The following CDHR2 variants were observed in gnomAD, a reference collection of about 807,000 sequenced individuals.
CDHR2 encodes cadherin related family member 2, also known as cadherin-related family member 2.
CDHR2 carries 104 observed loss-of-function variants against 138.6 expected under a neutral mutation model. The observed-to-expected ratio is 0.75, with a 90% CI of 0.64 to 0.88. The LOEUF is 0.88. CDHR2 is among the 40% of genes least tolerant of loss of function. CDHR2 has a pLI of 0.00. For synonymous variants in CDHR2, 755 were observed against 742.8 expected, an observed-to-expected ratio of 1.02 and a Z score of -0.27; for missense variants, 1,624 against 1,727.6, an observed-to-expected ratio of 0.94 and a Z score of 1.06.
In CDHR2 at chr5:176,574,266, A is replaced by G. The variant is rs1005507899; in HGVS notation, c.495+94A>G. 1.3e-5 allele frequency: 12 copies of G among 944,580 alleles called. No homozygotes were observed. The Admixed American group carries it at 2.4e-4, about 19-fold the overall frequency. 58.5% of individuals were successfully genotyped at this position (944,580 alleles called of 1,614,324 possible). On this transcript the variant is annotated intron_variant, in intron 7 of 31. Transcript: ENST00000261944. ...AGGGCCTGAACGTTGGGGTGGGGACATTGGTCCTGCCTTGGCCCAGCCCTG... is the reference window on the plus strand; with the variant it reads ...AGGGCCTGAACGTTGGGGTGGGGACGTTGGTCCTGCCTTGGCCCAGCCCTG...
Position 176,577,390 on chromosome 5 carries a change from C to T in CDHR2, c.1195-9C>T. On this transcript the variant is annotated splice_polypyrimidine_tract_variant and intron_variant, in intron 12 of 31. Transcript: ENST00000261944. ...GGACAGGTCCCTGCTAGACAGCCCA[C>T]CTTTACAGGGCAGCAATGGCACCTT... 6.2e-7 allele frequency: 1 copy of T among 1,603,828 alleles called. No individual in the cohort carries two copies. The highest frequency in any genetic ancestry group is 8.5e-7 in the Non-Finnish European group (1 of 1,176,286).
chr5:176,588,557 G>C (rs1687104044), intron 21 of CDHR2, among the ~76,000 whole-genome samples: 1 of 150,572 alleles, frequency 6.6e-6, no homozygotes, highest in Admixed American at 6.6e-5. Flanking sequence ...GTATGTGTGA[G>C]TGGGACAGTG....
At chr5:176,592,248 GTGGTGGTGTTGGTGTTGAGGTGATGA>G (rs1193390419) in intron 30 of CDHR2, among the ~76,000 whole-genome samples, 7 of 145,998 alleles carry the variant, frequency 4.8e-5, no homozygotes, top group Admixed American at 4.8e-4. Flanking sequence ...GATGATGGTG[GTGGTGGTGTTGGTGTTGAGGTGATGA>G]TGGTGGTGAT....
At position 176,590,640 on chromosome 5, in the gene CDHR2, G is replaced by A. The variant is rs770349627; in HGVS notation, c.3492G>A (p.Leu1164=). 2 of 1,613,772 alleles carry A rather than the reference G, an allele frequency of 1.2e-6. No homozygotes were observed. The highest frequency in any genetic ancestry group is 2.7e-5 in the African/African-American group (2 of 74,898). The change falls in exon 28 of 32, where the codon CTG becomes CTA. Residue 1164 remains leucine, a synonymous_variant. Transcript: ENST00000261944. ...SVIIGLGVAL[L]LVLVIMTMAF... ...TCATAGGATTGGGAGTGGCTTTGCT[G>A]CTGGTCCTTGTGATCATGACCATGG...
chr5:176,577,511 C>T lies in CDHR2; in HGVS notation c.1307C>T (p.Ser436Phe), dbSNP rs1758416492. 6.2e-7 allele frequency: 1 copy of T among 1,612,880 alleles called. No individual in the cohort carries two copies. The stretch of plus-strand genomic sequence containing the variant: ...TCCGTTCAGGTGCTGGTGAGAGTAT[C>T]CGCGCTGGTGGACTACGAGAGGCAG... The part of the protein sequence containing the change: ...SASVQVLVRV[S>F]ALVDYERQTA... The change falls in exon 13 of 32, where the codon TCC (serine) becomes TTC (phenylalanine). Residue 436 changes from serine (S) to phenylalanine (F), a missense_variant. Ser to Phe is a radical substitution (Grantham distance 155, BLOSUM62 -2). Coordinates refer to ENST00000261944, the MANE Select transcript of CDHR2 (RefSeq NM_017675.6).
chr5:176,585,541 C>A (rs1298077159), intron 19 of CDHR2, among the ~76,000 whole-genome samples: 2 of 152,196 alleles, frequency 1.3e-5, no homozygotes, highest in South Asian at 4.1e-4. Context: ...ATTTAAACAA[C>A]CAGCTTATAT....
At position 176,578,494 on chromosome 5, in the gene CDHR2, C is replaced by T; in HGVS notation, c.1704C>T (p.Ser568=). Residue 568 remains serine (S), a synonymous_variant, in exon 16 of 32, where the codon TCC becomes TCT. Transcript: ENST00000261944. ...CCACAGACGGCGGGAACCTGTCCTC[C>T]TCCACCACACTGCAGATCCACCTGC... The part of the protein sequence containing the change: ...LQATDGGNLS[S]STTLQIHLLD... 1 of 1,614,008 alleles carries T rather than the reference C, an allele frequency of 6.2e-7. No homozygotes were observed.
chr5:176,590,202 G>C (rs756789107), intron 25 of CDHR2, 51 bp from the exon 26 acceptor site: 1 of 1,605,774 alleles, frequency 6.2e-7, no homozygotes, highest in Non-Finnish European at 8.5e-7. Flanking sequence ...TAGCAGGAGG[G>C]GCCTGCTGGG....
chr5:176,583,524 G>C (rs1202687611), intron 17 of CDHR2, among the ~76,000 whole-genome samples: 1 of 152,230 alleles, frequency 6.6e-6, no homozygotes, highest in African/African-American at 2.4e-5. Flanking sequence ...CCAAGCACAT[G>C]CCAGTGTTAG....
Position 176,576,268 on chromosome 5 carries a change from G to A in CDHR2, c.1194+83G>A. ...GGATCGAGTGACGGTGTCATGTGGT[G>A]CTGGGTGGCGGTGCTGGTGGTGCAG... On this transcript the variant is annotated intron_variant, in intron 12 of 31. Transcript: ENST00000261944. This position sits in a 1 kb window ranked among gnomAD's most constrained non-coding sequence, Gnocchi z 4.5. The A allele has an allele frequency of 8.8e-7, 1 of 1,130,590 alleles. No individual in the cohort carries two copies. Among genetic ancestry groups the A allele is most frequent in the Non-Finnish European group, 1.3e-6 (1 of 785,206 alleles). The allele number at this position is 1,130,590 out of a possible 1,614,324, so 70.0% of individuals were successfully genotyped here. A position where few individuals can be genotyped will look rare whatever the true frequency, so the allele number is the denominator to read the frequency against.
Position 176,589,376 on chromosome 5 carries a change from A to C in CDHR2, c.3055A>C (p.Thr1019Pro). Residue 1019 changes from threonine to proline, a missense_variant, in exon 23 of 32, where the codon ACA (threonine) becomes CCA (proline). Around this residue, in one of 3 missense-constraint regions of CDHR2, gnomAD observed 556 missense variants for 565.7 expected, o/e 0.98. Coordinates refer to ENST00000261944, the MANE Select transcript of CDHR2 (RefSeq NM_017675.6). ...CACTCTCCAAGGCACCTACCAAGTG[A>C]CAGTCCAGGCCAGGGACAGACCTTC... is the stretch of plus-strand genomic sequence containing the variant. ...DSTLQGTYQVTVQARDRPSLG... is the reference protein window; with the variant it reads ...DSTLQGTYQVPVQARDRPSLG... The C allele has an allele frequency of 6.4e-7, 1 of 1,560,318 alleles. No homozygotes were observed. Among genetic ancestry groups the C allele is most frequent in the Non-Finnish European group, 8.7e-7 (1 of 1,152,396 alleles).
chr5:176,578,105 C>T lies in CDHR2; in HGVS notation c.1574+10C>T, dbSNP rs1455371937. ...TGCTCCCAGGAAATGGGTAAGGGCT[C>T]AGGGTGGGCCGTAGGCAGGTGGGTG... On this transcript the variant is annotated intron_variant, in intron 15 of 31. Transcript: ENST00000261944. 1 of 1,609,342 alleles carries T rather than the reference C, an allele frequency of 6.2e-7. No individual in the cohort carries two copies. The highest frequency in any genetic ancestry group is 1.3e-5 in the African/African-American group (1 of 74,958).
intron 1 of CDHR2, among the ~76,000 whole-genome samples, chr5:176,550,065 C>T (rs1238937304): frequency 6.6e-6 from 1 of 152,178 alleles, no homozygotes; most frequent in Non-Finnish European, 1.5e-5. Flanking sequence ...GGTGGTGACC[C>T]AGCTGAGAGT....
At chr5:176,554,989 CT>C (rs1173689873) in intron 1 of CDHR2, among the ~76,000 whole-genome samples, 1 of 152,204 alleles carries the variant, frequency 6.6e-6, no homozygotes, top group African/African-American at 2.4e-5. Context: ...TAGTGCCCGG[CT>C]CAAGTTCTGA....
intron 1 of CDHR2, among the ~76,000 whole-genome samples, chr5:176,550,431 G>A (rs74570045): frequency 8.1e-4 from 123 of 152,274 alleles, no homozygotes; most frequent in Non-Finnish European, 1.4e-3. Context: ...ACCCAGGCTC[G>A]GCTGGAGTCC....
At chr5:176,569,467 A>G (rs2113285707) in intron 5 of CDHR2, among the ~76,000 whole-genome samples, 1 of 152,044 alleles carries the variant, frequency 6.6e-6, no homozygotes, top group South Asian at 2.1e-4. Context: ...TATTTTTAGT[A>G]GAGACGGGGT....
intron 1 of CDHR2, among the ~76,000 whole-genome samples, chr5:176,562,463 G>A (rs1309919997): frequency 6.6e-6 from 1 of 152,058 alleles, no homozygotes; most frequent in Non-Finnish European, 1.5e-5. Context: ...GCAGTGTGAG[G>A]GAGAGTTCTG....
At chr5:176,568,841 G>A in intron 4 of CDHR2, 24 bp downstream of exon 4, 2 of 1,613,368 alleles carry the variant, frequency 1.2e-6, no homozygotes, top group South Asian at 2.2e-5. Context: ...GCCGGAGAGG[G>A]CACGGGACGC....
intron 5 of CDHR2, among the ~76,000 whole-genome samples, chr5:176,570,099 C>T (rs570730491): frequency 1.3e-5 from 2 of 152,298 alleles, no homozygotes; most frequent in African/African-American, 4.8e-5. Context: ...CTTCTTGGTG[C>T]ATTTTTTGAA....
Sources: allele counts gnomAD v4.1 joint callset (sites outside exome capture counted in the v4.1 genomes callset), GRCh38; gene constraint gnomAD v4.1.1; regional missense constraint gnomAD v4.1.1; non-coding constraint Gnocchi (gnomAD v3.1); transcripts MANE v1.5; gene names NCBI Gene and HGNC (gene_info 2026-07-23, HGNC 2026-07-21).